Variants in MED12L observed in about 807,000 individuals in gnomAD.
MED12L encodes the protein mediator complex subunit 12L.
In MED12L, 60 loss-of-function variants were observed where a neutral mutation model predicts 281.3. That is an observed-to-expected ratio of 0.21 (90% confidence interval 0.17 to 0.26). The LOEUF (loss-of-function observed/expected upper bound fraction) is 0.26, where lower values mean the gene tolerates loss of function less well. Among genes scored for constraint, MED12L ranks in the 10% least tolerant of loss-of-function variants. The pLI is 1.00. For synonymous variants in MED12L, 974 were observed against 987.2 expected, an observed-to-expected ratio of 0.99 and a Z score of 0.25; for missense variants, 2,146 against 2,680.9, an observed-to-expected ratio of 0.80 and a Z score of 4.41.
intron 16 of MED12L, among the ~76,000 whole-genome samples, chr3:151,242,763 G>A (rs1285065877): frequency 6.6e-6 from 1 of 152,198 alleles, no homozygotes; most frequent in East Asian, 1.9e-4. Context: ...AAAGCTGGAT[G>A]GAGAATGACT....
intron 16 of MED12L, among the ~76,000 whole-genome samples, chr3:151,312,521 T>A (rs1165345918): frequency 6.6e-6 from 1 of 152,132 alleles, no homozygotes; most frequent in Non-Finnish European, 1.5e-5. Context: ...CTCAAGGACT[T>A]GGAAAACAAA....
At chr3:151,378,279 T>C in intron 31 of MED12L, 106 bp downstream of exon 31, 1 of 1,188,932 alleles carries the variant, frequency 8.4e-7, no homozygotes, top group Non-Finnish European at 1.1e-6. Flanking sequence ...CACTGAAATT[T>C]AGTTTTTAAA....
intron 14 of MED12L, 137 bp from the exon 15 acceptor site, chr3:151,192,413 T>C: frequency 1.5e-6 from 1 of 661,210 alleles, no homozygotes; most frequent in Non-Finnish European, 2.6e-6. Context: ...TAAAGCTTCC[T>C]TCAATTTGCG....
chr3:151,396,415 G>A (rs1714976511), intron 39 of MED12L, among the ~76,000 whole-genome samples: 1 of 152,158 alleles, frequency 6.6e-6, no homozygotes, highest in Non-Finnish European at 1.5e-5. Context: ...ATCACTTGAG[G>A]TCAGGAGTTC....
chr3:151,384,631 C>T (rs986736219), intron 35 of MED12L: 10 of 189,652 alleles, frequency 5.3e-5, no homozygotes, highest in Admixed American at 3.7e-4. Flanking sequence ...TGTAAGAAAA[C>T]AGTGCAAAAA....
chr3:151,211,653 T>C (rs1034113221), intron 16 of MED12L, among the ~76,000 whole-genome samples: 1 of 152,178 alleles, frequency 6.6e-6, no homozygotes, highest in African/African-American at 2.4e-5. Flanking sequence ...GAAGTACTTT[T>C]GTTTCTTTTT....
intron 5 of MED12L, among the ~76,000 whole-genome samples, chr3:151,137,348 A>G (rs1003228264): frequency 5.3e-5 from 8 of 152,042 alleles, no homozygotes; most frequent in African/African-American, 1.4e-4. Context: ...ACATGACACC[A>G]TTTGTCATGG....
chr3:151,138,807 C>G (rs1319783166), intron 5 of MED12L, among the ~76,000 whole-genome samples: 1 of 152,134 alleles, frequency 6.6e-6, no homozygotes, highest in Non-Finnish European at 1.5e-5. Flanking sequence ...GTAGCACTTA[C>G]CAGGTTTTAC....
chr3:151,116,159 C>T (rs1001415631), intron 2 of MED12L, among the ~76,000 whole-genome samples, 179 bp from the exon 3 acceptor site: 6 of 151,444 alleles, frequency 4.0e-5, no homozygotes, highest in African/African-American at 9.7e-5. Context: ...TCCCTCTACA[C>T]ATTTATGTGT....
At chr3:151,423,185 A>ATT (rs879294860) in intron 43 of MED12L, among the ~76,000 whole-genome samples, 1 of 144,054 alleles carries the variant, frequency 6.9e-6, no homozygotes. Flanking sequence ...ATGCCCAGCT[A>ATT]TTTTTTTTTT....
chr3:151,106,277 C>CTTTCCT lies in MED12L; in HGVS notation c.100-10035_100-10030dup, dbSNP rs137875214. ...CTTTTCCTTTTCCCTTTCCCTTTCC[C>CTTTCCT]TTTCCTTTTCCTTTTCCTTTTCCTT... is the stretch of plus-strand genomic sequence containing the variant. On this transcript the variant is annotated intron_variant, in intron 2 of 44. Coordinates refer to ENST00000687756, the MANE Select transcript of MED12L (RefSeq NM_001393769.1). Among the ~76,000 whole-genome samples the CTTTCCT allele has an allele frequency of 3.3e-4, 27 of 80,896 alleles. 1 individual carries two copies. The highest frequency in any genetic ancestry group is 2.0e-3 in the South Asian group (5 of 2,492). The allele number at this position is 80,896 out of a possible 152,430, so 53.1% of individuals were successfully genotyped here.
At chr3:151,339,785 T>C (rs1328131787) in intron 16 of MED12L, among the ~76,000 whole-genome samples, 2 of 46,054 alleles carry the variant, frequency 4.3e-5, no homozygotes, top group East Asian at 1.2e-3. Context: ...AATAGGCAGC[T>C]ATAATGAAAA....
chr3:151,244,515 C>G (rs1734928918), intron 16 of MED12L, among the ~76,000 whole-genome samples: 1 of 149,116 alleles, frequency 6.7e-6, no homozygotes, highest in African/African-American at 2.5e-5. Flanking sequence ...TCCTGAATGA[C>G]TACTGGGTAC....
intron 16 of MED12L, chr3:151,336,713 C>T: frequency 3.0e-6 from 1 of 338,856 alleles, no homozygotes; most frequent in African/African-American, 2.2e-5. Flanking sequence ...AAGTCATCTT[C>T]AGAAGAGACT....
intron 43 of MED12L, among the ~76,000 whole-genome samples, chr3:151,417,135 A>C (rs1182281702): frequency 6.6e-6 from 1 of 152,246 alleles, no homozygotes; most frequent in Non-Finnish European, 1.5e-5. Flanking sequence ...AAGTAAATAC[A>C]AAAATAATTT....
chr3:151,099,892 G>T (rs1028731687), intron 2 of MED12L, among the ~76,000 whole-genome samples: 8 of 152,184 alleles, frequency 5.3e-5, no homozygotes, highest in Admixed American at 1.3e-4. Flanking sequence ...AAGAGATGGA[G>T]GATCTGGATG....
At chr3:151,194,880 T>C (rs1250208091) in intron 16 of MED12L, among the ~76,000 whole-genome samples, 1 of 152,116 alleles carries the variant, frequency 6.6e-6, no homozygotes, top group Admixed American at 6.5e-5. Flanking sequence ...AAAAGCATAA[T>C]TGGGCCGGGC....
chr3:151,163,118 A>G (rs1236395132), intron 8 of MED12L, among the ~76,000 whole-genome samples: 1 of 152,176 alleles, frequency 6.6e-6, no homozygotes, highest in Non-Finnish European at 1.5e-5. Flanking sequence ...TTACTAATCT[A>G]CGCGGCTCAT....
chr3:151,156,123 T>C (rs1719243055), intron 5 of MED12L, 38 bp from the exon 6 acceptor site: 1 of 1,520,752 alleles, frequency 6.6e-7, no homozygotes, highest in Non-Finnish European at 8.9e-7. Flanking sequence ...GTACCCATTG[T>C]GTCTAGAAAC....
Sources: allele counts gnomAD v4.1 joint callset (sites outside exome capture counted in the v4.1 genomes callset), GRCh38; gene constraint gnomAD v4.1.1; transcripts MANE v1.5; gene names NCBI Gene and HGNC (gene_info 2026-07-23, HGNC 2026-07-21).